Variants in HECW1 observed in about 807,000 individuals in gnomAD.
The protein encoded by HECW1 is E3 ubiquitin-protein ligase HECW1.
A neutral mutation model predicts 182.3 loss-of-function variants in HECW1; 61 were observed. The observed-to-expected ratio is 0.33, with a 90% CI of 0.27 to 0.41. The LOEUF is 0.41. Among genes scored for constraint, HECW1 ranks in the 10% least tolerant of loss-of-function variants. The pLI is 1.00. For synonymous variants in HECW1, 859 were observed against 832.6 expected, an observed-to-expected ratio of 1.03 and a Z score of -0.55; for missense variants, 1,739 against 2,108.9, an observed-to-expected ratio of 0.82 and a Z score of 3.44.
intron 5 of HECW1, among the ~76,000 whole-genome samples, chr7:43,330,780 C>T (rs1811366064): frequency 6.6e-6 from 1 of 151,944 alleles, no homozygotes; most frequent in Admixed American, 6.6e-5. Context: ...TGGTTTGGGC[C>T]CTAATAGTTC....
At chr7:43,121,571 A>G (rs1236323860) in intron 2 of HECW1, among the ~76,000 whole-genome samples, 1 of 152,126 alleles carries the variant, frequency 6.6e-6, no homozygotes, top group African/African-American at 2.4e-5. Flanking sequence ...TCACTATATT[A>G]TACATATAGT....
chr7:43,565,902 C>G lies in HECW1; in HGVS notation c.*3976C>G, dbSNP rs754478518. 360 of 194,116 alleles carry G rather than the reference C, an allele frequency of 1.9e-3. 1 individual carries two copies. Among genetic ancestry groups the G allele is most frequent in the Admixed American group, 3.8e-3 (62 of 16,390 alleles). The allele number at this position is 194,116 out of a possible 1,614,324, so 12.0% of individuals were successfully genotyped here. The stretch of plus-strand genomic sequence containing the variant: ...AGTCCACGTTATTGGGCTGATTTTG[C>G]TTACATCAGCAAGAGAAATGTCACG... On this transcript the variant is annotated 3_prime_UTR_variant, in exon 30 of 30. Transcript: ENST00000395891.
intron 29 of HECW1, 152 bp downstream of exon 29, chr7:43,554,942 G>A (rs1306185726): frequency 1.3e-4 from 95 of 718,448 alleles, no homozygotes; most frequent in Non-Finnish European, 2.1e-4. Context: ...GTGAAGGTGA[G>A]GTGGCTGTGA....
rs1583658182 is a variant in HECW1 at position 43,140,378 on chromosome 7, A to G, written c.-32+25987A>G. ...CTGATGAGCGACTGTGCCCCCTCGT[A>G]AGTCTCCTGTCTCTTTTCTTGTCAG... On this transcript the variant is annotated intron_variant, in intron 2 of 29. Coordinates refer to ENST00000395891, the MANE Select transcript of HECW1 (RefSeq NM_015052.5). 2.0e-5 allele frequency among the ~76,000 whole-genome samples: 3 copies of G among 152,168 alleles called. No individual in the cohort carries two copies. In the East Asian group the frequency reaches 5.8e-4, roughly 29 times the overall value.
At chr7:43,241,206 G>C (rs1329260930) in intron 2 of HECW1, 1 of 152,302 alleles carries the variant, frequency 6.6e-6, no homozygotes, top group Non-Finnish European at 1.5e-5. Context: ...TGTAGCTGAA[G>C]GTGGGCTGCG....
intron 2 of HECW1, among the ~76,000 whole-genome samples, chr7:43,202,547 C>T (rs375699485): frequency 6.6e-6 from 1 of 151,200 alleles, no homozygotes; most frequent in African/African-American, 2.4e-5. Context: ...AATCTCGGCT[C>T]ACTGAAACCA....
chr7:43,549,445 T>A (rs1416758520), intron 26 of HECW1, among the ~76,000 whole-genome samples: 4 of 152,202 alleles, frequency 2.6e-5, no homozygotes, highest in African/African-American at 9.7e-5. Context: ...AGTAACTAAG[T>A]CCAGTGATGC....
At chr7:43,488,147 TA>T (rs1290179090) in intron 17 of HECW1, among the ~76,000 whole-genome samples, 1 of 151,672 alleles carries the variant, frequency 6.6e-6, no homozygotes, top group Non-Finnish European at 1.5e-5. Context: ...CCATCTCTAC[TA>T]AAAATAGAAA....
chr7:43,501,349 C>A, intron 21 of HECW1, 27 bp downstream of exon 21: 1 of 1,316,378 alleles, frequency 7.6e-7, no homozygotes, highest in African/African-American at 1.5e-5. Flanking sequence ...CTAATAGCTC[C>A]TGTTAAGTGG....
At chr7:43,545,039 G>A (rs2081502163) in intron 26 of HECW1, among the ~76,000 whole-genome samples, 1 of 152,218 alleles carries the variant, frequency 6.6e-6, no homozygotes, top group Non-Finnish European at 1.5e-5. Flanking sequence ...AGAGGTGGAA[G>A]GATCTCTTGA....
chr7:43,151,156 A>C (rs1789278000), intron 2 of HECW1, among the ~76,000 whole-genome samples: 1 of 152,208 alleles, frequency 6.6e-6, no homozygotes, highest in Admixed American at 6.5e-5. Context: ...GAGTGGAGCC[A>C]AGAGGCAGAA....
In HECW1 at chr7:43,360,997, C is replaced by T. The variant is rs76459581; in HGVS notation, c.555+17C>T. The T allele has an allele frequency of 1.1e-3, 1,692 of 1,582,068 alleles. 22 individuals are homozygous for T. In the African/African-American group the frequency reaches 0.02, roughly 19 times the overall value. On this transcript the variant is annotated intron_variant, in intron 6 of 29. Transcript: ENST00000395891. ...GCAGCTCCTGTAAGTCTCATTTCTCCGTCTTTGGTTAGACCTAACTCTGGT... is the reference window on the plus strand; with the variant it reads ...GCAGCTCCTGTAAGTCTCATTTCTCTGTCTTTGGTTAGACCTAACTCTGGT...
chr7:43,222,373 A>C (rs1178465893), intron 2 of HECW1, among the ~76,000 whole-genome samples: 1 of 152,214 alleles, frequency 6.6e-6, no homozygotes, highest in Non-Finnish European at 1.5e-5. Context: ...TTATGCAAAC[A>C]ATCTTTGAAA....
At position 43,320,051 on chromosome 7, in the gene HECW1, C is replaced by T. The variant is rs534392820; in HGVS notation, c.353-584C>T. 1.1e-4 allele frequency among the ~76,000 whole-genome samples: 16 copies of T among 152,290 alleles called. No individual in the cohort carries two copies. In the South Asian group the frequency reaches 3.3e-3, roughly 32 times the overall value. ...TTTGCCCAACACCACAGCCCCTGCACCTTCCCCAGCATCTGGCAGATGGTT... is the reference window on the plus strand; with the variant it reads ...TTTGCCCAACACCACAGCCCCTGCATCTTCCCCAGCATCTGGCAGATGGTT... On this transcript the variant is annotated intron_variant, in intron 4 of 29. Transcript: ENST00000395891.
Position 43,409,448 on chromosome 7 carries a change from A to G in HECW1, c.801+1717A>G, listed in dbSNP as rs191451472. On this transcript the variant is annotated intron_variant, in intron 8 of 29. Transcript: ENST00000395891. ...TAGAGGAACCTGTTCTAAGACATTTAGTCATAAAGGTGTTTTAAGTGTCAG... is the reference window on the plus strand; with the variant it reads ...TAGAGGAACCTGTTCTAAGACATTTGGTCATAAAGGTGTTTTAAGTGTCAG... Among the ~76,000 whole-genome samples, 8 of 152,360 alleles carry G rather than the reference A, an allele frequency of 5.3e-5. No homozygotes were observed. In the East Asian group the frequency reaches 1.5e-3, roughly 29 times the overall value.
chr7:43,136,874 C>T (rs1210091707), intron 2 of HECW1, among the ~76,000 whole-genome samples: 1 of 152,148 alleles, frequency 6.6e-6, no homozygotes, highest in Non-Finnish European at 1.5e-5. Context: ...ATGTTCCCAA[C>T]CTAAGACTGA....
intron 3 of HECW1, among the ~76,000 whole-genome samples, chr7:43,266,759 C>G (rs559009022): frequency 6.6e-6 from 1 of 152,262 alleles, no homozygotes; most frequent in African/African-American, 2.4e-5. Flanking sequence ...CACCTAACAA[C>G]AGAAAAATTC....
At chr7:43,321,519 C>T (rs1399278024) in intron 5 of HECW1, among the ~76,000 whole-genome samples, 1 of 152,148 alleles carries the variant, frequency 6.6e-6, no homozygotes, top group African/African-American at 2.4e-5. Flanking sequence ...GAATGCACAG[C>T]TTACCTTCAG....
At chr7:43,420,743 AGAG>A (rs1444083087) in intron 8 of HECW1, among the ~76,000 whole-genome samples, 3 of 152,230 alleles carry the variant, frequency 2.0e-5, no homozygotes, top group Non-Finnish European at 1.5e-5. Flanking sequence ...ATCTAACTGC[AGAG>A]GAGGAATATG....
Sources: gnomAD v4.1 joint callset for allele counts (sites outside exome capture counted in the v4.1 genomes callset) on GRCh38, gnomAD v4.1.1 for gene constraint, MANE v1.5 for transcripts, NCBI Gene and HGNC (gene_info 2026-07-23, HGNC 2026-07-21) for gene names.